Variants in CACNA1C observed in about 807,000 individuals in gnomAD.
The protein encoded by CACNA1C is calcium voltage-gated channel subunit alpha1 C.
Under a neutral mutation model 229.0 loss-of-function variants are expected in CACNA1C, and 30 were observed. That is an observed-to-expected ratio of 0.13 (90% CI 0.10 to 0.18). The LOEUF (loss-of-function observed/expected upper bound fraction) is 0.18, where lower values mean the gene tolerates loss of function less well. CACNA1C is among the 10% of genes least tolerant of loss of function. The pLI is 1.00. For missense variants in CACNA1C, 1,658 were observed against 2,845.0 expected, an observed-to-expected ratio of 0.58 and a Z score of 9.49; for synonymous variants, 1,114 against 1,132.5, an observed-to-expected ratio of 0.98 and a Z score of 0.33.
At chr12:2,436,325 C>T (rs1210812052) in intron 3 of CACNA1C, among the ~76,000 whole-genome samples, 1 of 152,222 alleles carries the variant, frequency 6.6e-6, no homozygotes, top group Non-Finnish European at 1.5e-5. Flanking sequence ...ATTGGGTCTG[C>T]ATCCCTGTGT....
At chr12:1,997,514 G>A (rs1008811691) in intron 1 of CACNA1C, among the ~76,000 whole-genome samples, 4 of 152,146 alleles carry the variant, frequency 2.6e-5, no homozygotes, top group Admixed American at 6.5e-5. Context: ...GTGACAGAGC[G>A]AGACTCCATC....
intron 3 of CACNA1C, among the ~76,000 whole-genome samples, chr12:2,186,433 A>C (rs1364472007): frequency 2.0e-5 from 3 of 152,206 alleles, no homozygotes; most frequent in Non-Finnish European, 4.4e-5. Flanking sequence ...GTGGCCGCTG[A>C]GGGGGTAAGG....
At chr12:2,660,866 C>G (rs543400582) in intron 34 of CACNA1C, 1 of 152,140 alleles carries the variant, frequency 6.6e-6, no homozygotes, top group South Asian at 2.1e-4. Flanking sequence ...ATATGCTAAA[C>G]TTTTGGCCAA....
chr12:2,453,032 TGA>T (rs913560599), intron 4 of CACNA1C, among the ~76,000 whole-genome samples: 31 of 152,304 alleles, frequency 2.0e-4, no homozygotes, highest in Non-Finnish European at 3.8e-4. Context: ...GTTGCCAGGC[TGA>T]GAGACACTGC....
chr12:2,172,789 T>C (rs145852053), intron 3 of CACNA1C, among the ~76,000 whole-genome samples: 4 of 152,296 alleles, frequency 2.6e-5, no homozygotes, highest in Non-Finnish European at 5.9e-5. Flanking sequence ...TACTGCAAAA[T>C]GCCAAGATTG....
At position 2,014,547 on chromosome 12, in the gene CACNA1C, C is replaced by T. The variant is rs115283229; in HGVS notation, c.139+43346C>T. Among the ~76,000 whole-genome samples the T allele has an allele frequency of 7.0e-3, 1,061 of 152,174 alleles. 10 individuals are homozygous for T. Among genetic ancestry groups the T allele is most frequent in the African/African-American group, 0.024 (997 of 41,524 alleles). Reference sequence around the variant, plus strand: ...TGCCTTCCTAGAACTTAGAGTCTCACGGGGAAAATGGACACATAAGCAGGT... The same window carrying T: ...TGCCTTCCTAGAACTTAGAGTCTCATGGGGAAAATGGACACATAAGCAGGT... On this transcript the variant is annotated intron_variant, in intron 1 of 46. Coordinates refer to the CACNA1C transcript ENST00000682462.
At position 2,053,034 on chromosome 12, in the gene CACNA1C, C is replaced by T; in HGVS notation, c.-529C>T. ...AGAAACAGCTCCTGCCAGAGCGGCG[C>T]TCGGCGCGGCGCGGCGGGCCCGGAG... On this transcript the variant is annotated 5_prime_UTR_variant, in exon 1 of 47. Coordinates refer to ENST00000399655, the MANE Select transcript of CACNA1C (RefSeq NM_000719.7). The surrounding 1 kb of genome is among the most constrained non-coding windows in gnomAD (Gnocchi z 5.8). 1 of 984,428 alleles carries T rather than the reference C, an allele frequency of 1.0e-6. No individual in the cohort carries two copies. The highest frequency in any genetic ancestry group is 1.2e-6 in the Non-Finnish European group (1 of 829,554). The allele number at this position is 984,428 out of a possible 1,614,324, so 61.0% of individuals were successfully genotyped here. A position where few individuals can be genotyped will look rare whatever the true frequency, so the allele number is the denominator to read the frequency against.
chr12:2,508,293 C>T (rs769476330), intron 8 of CACNA1C, among the ~76,000 whole-genome samples: 19 of 152,174 alleles, frequency 1.2e-4, no homozygotes, highest in Non-Finnish European at 2.4e-4. Context: ...AAAGATTGAA[C>T]GGTGCTTGGT....
rs550556208 is a variant in CACNA1C, at chr12:2,470,920, C to G, written c.757+13214C>G. Reference sequence around the variant, plus strand: ...AGATCTCGGCTCACTGCAACCACCCCCTCCCGGGTTCAAATGATTCTCGTG... The same window carrying G: ...AGATCTCGGCTCACTGCAACCACCCGCTCCCGGGTTCAAATGATTCTCGTG... On this transcript the variant is annotated intron_variant, in intron 5 of 46. Coordinates refer to ENST00000399655, the MANE Select transcript of CACNA1C (RefSeq NM_000719.7). 8.5e-4 allele frequency among the ~76,000 whole-genome samples: 129 copies of G among 152,100 alleles called. 1 individual carries two copies. The highest frequency in any genetic ancestry group is 1.1e-3 in the Non-Finnish European group (73 of 67,976).
At chr12:2,356,999 C>T (rs2097386527) in intron 3 of CACNA1C, among the ~76,000 whole-genome samples, 1 of 152,250 alleles carries the variant, frequency 6.6e-6, no homozygotes, top group African/African-American at 2.4e-5. Flanking sequence ...AATGCAGCCT[C>T]TGCCCATCCT....
intron 5 of CACNA1C, among the ~76,000 whole-genome samples, chr12:2,459,086 G>A (rs2099472821): frequency 6.8e-6 from 1 of 147,062 alleles, no homozygotes; most frequent in Non-Finnish European, 1.5e-5. Flanking sequence ...AGGTTCAAGC[G>A]ATTCTCCTGC....
At chr12:2,066,718 G>A (rs1236792524) in intron 1 of CACNA1C, among the ~76,000 whole-genome samples, 2 of 152,148 alleles carry the variant, frequency 1.3e-5, no homozygotes, top group Non-Finnish European at 2.9e-5. Context: ...GGAGCAGATG[G>A]GGAAGAAGGC....
At chr12:2,318,616 A>G (rs776828679) in intron 3 of CACNA1C, among the ~76,000 whole-genome samples, 1 of 152,250 alleles carries the variant, frequency 6.6e-6, no homozygotes, top group Non-Finnish European at 1.5e-5. Context: ...CCCAGAAATC[A>G]GAGGAGTCAG....
chr12:2,425,853 A>G (rs1236865761), intron 3 of CACNA1C, among the ~76,000 whole-genome samples: 1 of 152,206 alleles, frequency 6.6e-6, no homozygotes, highest in African/African-American at 2.4e-5. Context: ...ATGAGAAGAA[A>G]AAGTTTCCAG....
intron 3 of CACNA1C, among the ~76,000 whole-genome samples, chr12:2,405,100 C>T (rs719024): frequency 6.6e-6 from 1 of 152,056 alleles, no homozygotes; most frequent in Non-Finnish European, 1.5e-5. Flanking sequence ...GGAAAGAATA[C>T]GGACGGGATA....
chr12:2,171,646 T>A (rs1204927295), intron 3 of CACNA1C, among the ~76,000 whole-genome samples: 2 of 152,160 alleles, frequency 1.3e-5, no homozygotes, highest in African/African-American at 4.8e-5. Context: ...TCAGGAGTTG[T>A]AAATGCTGGA....
chr12:2,004,435 C>G (rs759729725), intron 1 of CACNA1C: 1 of 1,606,784 alleles, frequency 6.2e-7, no homozygotes, highest in East Asian at 2.2e-5. Context: ...CTGCCATCTT[C>G]CCTCCCTCCC....
chr12:2,521,691 G>A (rs1356034762), intron 9 of CACNA1C, among the ~76,000 whole-genome samples: 5 of 152,260 alleles, frequency 3.3e-5, no homozygotes, highest in South Asian at 2.1e-4. Flanking sequence ...CAGTCAAGTC[G>A]TATGGGCTGT....
At chr12:2,398,698 G>A (rs1190390190) in intron 3 of CACNA1C, among the ~76,000 whole-genome samples, 1 of 152,246 alleles carries the variant, frequency 6.6e-6, no homozygotes, top group Non-Finnish European at 1.5e-5. Context: ...TGCAGAAAGA[G>A]AGGGGAGCGT....
Sources: gnomAD v4.1 joint callset for allele counts (sites outside exome capture counted in the v4.1 genomes callset) on GRCh38, gnomAD v4.1.1 for gene constraint, Gnocchi (gnomAD v3.1) non-coding constraint, MANE v1.5 for transcripts, NCBI Gene and HGNC (gene_info 2026-07-23, HGNC 2026-07-21) for gene names.